CACNA2D3: variants seen among roughly 807,000 people sequenced by gnomAD.
CACNA2D3 encodes the protein voltage-dependent calcium channel subunit alpha-2/delta-3.
In CACNA2D3, 60 loss-of-function variants were observed where a neutral mutation model predicts 160.6. That is an observed-to-expected ratio of 0.37 (90% CI 0.30 to 0.46). The LOEUF (loss-of-function observed/expected upper bound fraction) is 0.46, where lower values mean the gene tolerates loss of function less well. CACNA2D3 is among the 20% of genes least tolerant of loss of function. CACNA2D3 has a pLI of 1.00. For missense variants in CACNA2D3, 1,205 were observed against 1,365.0 expected, an observed-to-expected ratio of 0.88 and a Z score of 1.85; for synonymous variants, 558 against 492.9, an observed-to-expected ratio of 1.13 and a Z score of -1.75.
chr3:54,577,062 A>G (rs1299111035), intron 8 of CACNA2D3, among the ~76,000 whole-genome samples: 2 of 152,094 alleles, frequency 1.3e-5, no homozygotes, highest in Non-Finnish European at 2.9e-5. Context: ...AACAAAAACA[A>G]ACAAAAGGAA....
intron 17 of CACNA2D3, among the ~76,000 whole-genome samples, chr3:54,852,128 C>T (rs1042098394): frequency 5.3e-5 from 8 of 152,242 alleles, no homozygotes; most frequent in South Asian, 2.1e-4. Flanking sequence ...CCTCCTCTGC[C>T]GTGGCCACCA....
At chr3:54,998,316 T>C (rs1232889574) in intron 31 of CACNA2D3, among the ~76,000 whole-genome samples, 1 of 151,990 alleles carries the variant, frequency 6.6e-6, no homozygotes, top group Non-Finnish European at 1.5e-5. Flanking sequence ...GTATTTTTAA[T>C]AGAGATGGGG....
At chr3:55,059,927 G>C (rs749679753) in intron 35 of CACNA2D3, among the ~76,000 whole-genome samples, 5 of 152,012 alleles carry the variant, frequency 3.3e-5, no homozygotes, top group Non-Finnish European at 5.9e-5. Context: ...CTGCCAGGCT[G>C]CTCTTCTGTT....
intron 23 of CACNA2D3, 27 bp from the exon 24 acceptor site, chr3:54,887,932 C>T: frequency 6.3e-7 from 1 of 1,584,446 alleles, no homozygotes; most frequent in Non-Finnish European, 8.7e-7. Context: ...CCTGCTGAAG[C>T]ATCCTCTTGT....
At chr3:54,595,634 T>A (rs1702940788) in intron 9 of CACNA2D3, among the ~76,000 whole-genome samples, 1 of 152,168 alleles carries the variant, frequency 6.6e-6, no homozygotes, top group South Asian at 2.1e-4. Flanking sequence ...GAGCATCCTG[T>A]CGACCACACA....
At chr3:54,208,424 A>G (rs1701310290) in intron 2 of CACNA2D3, among the ~76,000 whole-genome samples, 1 of 152,094 alleles carries the variant, frequency 6.6e-6, no homozygotes, top group Non-Finnish European at 1.5e-5. Flanking sequence ...GCCTTTCAAG[A>G]TGTGGGTTTG....
chr3:54,160,393 A>G (rs1234075281), intron 2 of CACNA2D3, among the ~76,000 whole-genome samples: 2 of 152,182 alleles, frequency 1.3e-5, no homozygotes, highest in Non-Finnish European at 2.9e-5. Context: ...CCAGCTACTC[A>G]GGATGCTGAG....
At chr3:54,294,326 G>T (rs1017992705) in intron 2 of CACNA2D3, among the ~76,000 whole-genome samples, 2 of 152,156 alleles carry the variant, frequency 1.3e-5, no homozygotes, top group African/African-American at 4.8e-5. Flanking sequence ...CATAACAAAT[G>T]GGTATGCGAC....
At chr3:54,825,664 A>G (rs1703733832) in intron 14 of CACNA2D3, among the ~76,000 whole-genome samples, 1 of 152,226 alleles carries the variant, frequency 6.6e-6, no homozygotes, top group Non-Finnish European at 1.5e-5. Context: ...TTAAAGAGAT[A>G]AAGAATTAAG....
intron 3 of CACNA2D3, among the ~76,000 whole-genome samples, chr3:54,338,643 G>A (rs72988017): frequency 0.012 from 1,898 of 152,152 alleles, 39 homozygotes; most frequent in African/African-American, 0.044. Context: ...TGTCGCTTAT[G>A]GGCCACTTGA....
chr3:54,175,345 G>A (rs1024716835), intron 2 of CACNA2D3, among the ~76,000 whole-genome samples: 2 of 152,034 alleles, frequency 1.3e-5, no homozygotes, highest in Non-Finnish European at 2.9e-5. Flanking sequence ...GGCCGGGCGC[G>A]GTGGTTTACG....
At chr3:54,830,932 C>G (rs1250641330) in intron 14 of CACNA2D3, among the ~76,000 whole-genome samples, 2 of 152,040 alleles carry the variant, frequency 1.3e-5, no homozygotes, top group African/African-American at 4.8e-5. Context: ...TGAAAGGAAG[C>G]TAGCAGAAAC....
At chr3:54,468,985 G>A (rs552160032) in intron 4 of CACNA2D3, among the ~76,000 whole-genome samples, 5 of 152,218 alleles carry the variant, frequency 3.3e-5, no homozygotes, top group Middle Eastern at 3.4e-3. Context: ...GGGATGGGGT[G>A]GCTGTGGGTA....
chr3:54,521,879 C>G (rs956263420), intron 5 of CACNA2D3, among the ~76,000 whole-genome samples: 2 of 152,176 alleles, frequency 1.3e-5, no homozygotes, highest in African/African-American at 4.8e-5. Flanking sequence ...CATGGACACA[C>G]AGCTTTATTT....
chr3:54,989,794 C>T (rs9847121), intron 31 of CACNA2D3, among the ~76,000 whole-genome samples: 54,836 of 151,986 alleles, frequency 0.36, 10,095 homozygotes, highest in Admixed American at 0.38. Context: ...AATTTGCTTT[C>T]CACTTAGCAC....
intron 2 of CACNA2D3, among the ~76,000 whole-genome samples, chr3:54,291,350 A>T (rs748642991): frequency 3.9e-5 from 6 of 152,242 alleles, no homozygotes; most frequent in Non-Finnish European, 5.9e-5. Flanking sequence ...GCATGTCCAT[A>T]TGTAAATATT....
At chr3:54,806,982 G>A (rs1284173896) in intron 13 of CACNA2D3, among the ~76,000 whole-genome samples, 3 of 152,162 alleles carry the variant, frequency 2.0e-5, no homozygotes, top group African/African-American at 7.2e-5. Flanking sequence ...AAATGGTGCT[G>A]GGAAAACTGG....
chr3:54,662,729 C>T (rs1436786153), intron 11 of CACNA2D3, among the ~76,000 whole-genome samples: 1 of 152,156 alleles, frequency 6.6e-6, no homozygotes, highest in Non-Finnish European at 1.5e-5. Context: ...CTGGCTGGTG[C>T]TGTTGGTGGA....
intron 4 of CACNA2D3, among the ~76,000 whole-genome samples, chr3:54,422,442 A>G (rs1168767954): frequency 6.6e-6 from 1 of 152,258 alleles, no homozygotes; most frequent in African/African-American, 2.4e-5. Context: ...TATGAAGGAT[A>G]TAGAAAGAAC....
Sources: allele counts gnomAD v4.1 joint callset (sites outside exome capture counted in the v4.1 genomes callset), GRCh38; gene constraint gnomAD v4.1.1; transcripts MANE v1.5; gene names NCBI Gene and HGNC (gene_info 2026-07-23, HGNC 2026-07-21).